Variants in SAMMSON observed in about 807,000 individuals in gnomAD.
The protein encoded by SAMMSON is survival associated mitochondrial melanoma specific oncogenic non-coding RNA.
At chr3:70,317,180 C>T (rs956124504) in intron 7 of SAMMSON, among the ~76,000 whole-genome samples, 23 of 151,888 alleles carry the variant, frequency 1.5e-4, no homozygotes, top group Non-Finnish European at 2.4e-4. Context: ...GTTATAATCC[C>T]GCAAGCATTG....
chr3:70,150,294 G>C (rs1261310884), intron 4 of SAMMSON, among the ~76,000 whole-genome samples: 1 of 151,956 alleles, frequency 6.6e-6, no homozygotes, highest in Non-Finnish European at 1.5e-5. Flanking sequence ...AAACATCCTG[G>C]TTTCAATAAA....
At chr3:70,382,858 A>G (rs1279546464) in intron 9 of SAMMSON, among the ~76,000 whole-genome samples, 1 of 152,292 alleles carries the variant, frequency 6.6e-6, no homozygotes, top group African/African-American at 2.4e-5. Context: ...ACTCTATTAT[A>G]TGAATGTTGA....
rs373580352 is a variant in SAMMSON, at chr3:70,425,785, CCTTTT to C, written n.234-36770_234-36766del. On this transcript the variant is annotated intron_variant and non_coding_transcript_variant, in intron 2 of 3. Transcript: ENST00000641053. ...TATGGTAAAAGACTAAAAATTAGTT[CCTTTT>C]CTTTGAGACCCCTGTAAGGACTCAG... Among the ~76,000 whole-genome samples the C allele has an allele frequency of 5.9e-3, 905 of 152,128 alleles. 9 individuals are homozygous for C. Among genetic ancestry groups the C allele is most frequent in the African/African-American group, 0.021 (879 of 41,506 alleles).
intron 4 of SAMMSON, among the ~76,000 whole-genome samples, chr3:70,209,465 A>G (rs1701321297): frequency 6.6e-6 from 1 of 152,066 alleles, no homozygotes; most frequent in South Asian, 2.1e-4. Flanking sequence ...TAAGCATCAC[A>G]AAGAGTCTAG....
At chr3:70,157,980 G>A (rs971255203) in intron 4 of SAMMSON, among the ~76,000 whole-genome samples, 11 of 152,026 alleles carry the variant, frequency 7.2e-5, no homozygotes, top group African/African-American at 2.4e-4. Flanking sequence ...AAATCAGTGT[G>A]TATTTTATAG....
intron 4 of SAMMSON, among the ~76,000 whole-genome samples, chr3:70,095,640 T>C (rs1263494948): frequency 6.6e-6 from 1 of 152,204 alleles, no homozygotes; most frequent in Non-Finnish European, 1.5e-5. Context: ...TCAATTTCTG[T>C]TGGCCTCAGT....
At chr3:70,226,071 A>G (rs768890499) in intron 4 of SAMMSON, among the ~76,000 whole-genome samples, 1 of 152,226 alleles carries the variant, frequency 6.6e-6, no homozygotes, top group Non-Finnish European at 1.5e-5. Flanking sequence ...CACTTAAAAA[A>G]AATAAAAGAC....
At chr3:70,061,126 A>T (rs2067186007) in intron 3 of SAMMSON, among the ~76,000 whole-genome samples, 1 of 152,140 alleles carries the variant, frequency 6.6e-6, no homozygotes, top group African/African-American at 2.4e-5. Context: ...CAAAGGTGGT[A>T]GCTTTGGCAG....
intron 6 of SAMMSON, among the ~76,000 whole-genome samples, chr3:70,260,361 C>T (rs530166098): frequency 3.9e-5 from 6 of 152,236 alleles, no homozygotes; most frequent in East Asian, 3.9e-4. Flanking sequence ...TACTCCGGTA[C>T]GACTTTATCT....
At chr3:70,075,147 T>C (rs76359338) in intron 4 of SAMMSON, 2 of 152,028 alleles carry the variant, frequency 1.3e-5, no homozygotes, top group African/African-American at 2.4e-5. Context: ...AGCAGACATA[T>C]AAACATGGAA....
intron 4 of SAMMSON, among the ~76,000 whole-genome samples, chr3:70,160,786 G>T (rs1165006519): frequency 6.6e-6 from 1 of 151,988 alleles, no homozygotes; most frequent in Non-Finnish European, 1.5e-5. Flanking sequence ...ATAAATTGGA[G>T]CATAATTACC....
At chr3:70,296,916 G>T (rs886450487) in intron 7 of SAMMSON, among the ~76,000 whole-genome samples, 3 of 151,788 alleles carry the variant, frequency 2.0e-5, no homozygotes, top group African/African-American at 7.3e-5. Context: ...CTTTCATATG[G>T]CTAATAAATC....
intron 2 of SAMMSON, among the ~76,000 whole-genome samples, chr3:70,401,616 G>C (rs1701142928): frequency 6.6e-6 from 1 of 151,416 alleles, no homozygotes; most frequent in South Asian, 2.1e-4. Context: ...TTTTTTTCTG[G>C]ATATTTTTTC....
At chr3:70,185,950 C>T (rs1387611503) in intron 4 of SAMMSON, among the ~76,000 whole-genome samples, 1 of 152,114 alleles carries the variant, frequency 6.6e-6, no homozygotes, top group African/African-American at 2.4e-5. Context: ...GCACTCCAGT[C>T]TGGGCAACAA....
intron 4 of SAMMSON, among the ~76,000 whole-genome samples, chr3:70,160,018 A>G (rs1293180897): frequency 6.6e-6 from 1 of 151,904 alleles, no homozygotes; most frequent in Admixed American, 6.6e-5. Context: ...GAGGTGTAAG[A>G]TTTCTTTGTA....
intron 6 of SAMMSON, among the ~76,000 whole-genome samples, chr3:70,289,699 A>G (rs1306021022): frequency 5.9e-5 from 9 of 152,244 alleles, no homozygotes; most frequent in Middle Eastern, 3.4e-3. Flanking sequence ...AGGTACACCA[A>G]TCAGACCTAG....
At chr3:70,139,905 C>A (rs549946426) in intron 4 of SAMMSON, among the ~76,000 whole-genome samples, 1 of 152,282 alleles carries the variant, frequency 6.6e-6, no homozygotes, top group African/African-American at 2.4e-5. Flanking sequence ...GATAGCTGAT[C>A]CATGCTACTT....
At chr3:70,160,037 A>G (rs2067608648) in intron 4 of SAMMSON, among the ~76,000 whole-genome samples, 3 of 152,024 alleles carry the variant, frequency 2.0e-5, no homozygotes, top group Non-Finnish European at 4.4e-5. Context: ...TAATTTCTGG[A>G]TATAAATTCT....
chr3:70,134,359 CTT>C (rs71620118), intron 4 of SAMMSON, among the ~76,000 whole-genome samples: 5 of 140,062 alleles, frequency 3.6e-5, no homozygotes, highest in African/African-American at 5.2e-5. Context: ...ATTTTTTTAA[CTT>C]TTTTTTTTTT....
Sources: gnomAD v4.1 joint callset for allele counts (sites outside exome capture counted in the v4.1 genomes callset) on GRCh38, gnomAD v4.1.1 for gene constraint, MANE v1.5 for transcripts, NCBI Gene and HGNC (gene_info 2026-07-23, HGNC 2026-07-21) for gene names.